Variants in MPP2 observed in about 807,000 individuals in gnomAD.
The protein encoded by MPP2 is MAGUK p55 scaffold protein 2.
Under a neutral mutation model 58.5 loss-of-function variants are expected in MPP2, and 42 were observed. The observed-to-expected ratio is 0.72, with a 90% CI of 0.56 to 0.93. MPP2 has a LOEUF of 0.93. Among genes scored for constraint, MPP2 ranks in the 40% least tolerant of loss-of-function variants. MPP2 has a pLI of 0.00. For synonymous variants in MPP2, 300 were observed against 307.8 expected (o/e 0.97, Z 0.26); for missense variants, 632 against 760.4 (o/e 0.83, Z 1.99).
At chr17:43,898,499 G>GACAACATTCCCCTCCCCA (rs1567900495) in intron 2 of MPP2, 119 bp from the exon 3 acceptor site, 1 of 608,760 alleles carries the variant, frequency 1.6e-6, no homozygotes, top group Non-Finnish European at 3.0e-6. Flanking sequence ...GCCCCTCCCC[G>GACAACATTCCCCTCCCCA]GCAACATTCC....
chr17:43,889,906 G>A lies in MPP2; in HGVS notation c.151-6551C>T, dbSNP rs560864080. Among the ~76,000 whole-genome samples the A allele has an allele frequency of 3.3e-4, 47 of 144,336 alleles. 1 individual carries two copies. In the East Asian group the frequency reaches 3.3e-3, roughly 10 times the overall value. The allele number at this position is 144,336 out of a possible 152,430, so 94.7% of individuals were successfully genotyped here. On this transcript the variant is annotated intron_variant, in intron 3 of 12. Coordinates refer to ENST00000269095, the MANE Select transcript of MPP2 (RefSeq NM_005374.5). ...CGGCTCACTGCAACCTCCGTCTCCC[G>A]GGTTCACACCATTCTCCTGCCTCAG...
At chr17:43,906,959 G>C (rs1346273112) in intron 1 of MPP2, among the ~76,000 whole-genome samples, 1 of 149,708 alleles carries the variant, frequency 6.7e-6, no homozygotes, top group African/African-American at 2.5e-5. Flanking sequence ...CTCCCGACCC[G>C]CCCCGCTACA....
upstream of MPP2, chr17:43,907,841 G>A (rs1345970916): frequency 1.0e-6 from 1 of 985,418 alleles, no homozygotes; most frequent in Non-Finnish European, 1.2e-6. Context: ...TAATGAGACC[G>A]GCTTGATTAC....
At position 43,879,852 on chromosome 17, in the gene MPP2, C is replaced by A; in HGVS notation, c.1283G>T (p.Gly428Val). Residue 428 changes from glycine to valine, a missense_variant, in exon 11 of 13, where the codon GGC (glycine) becomes GTC (valine). Gly to Val is a moderately radical substitution (Grantham distance 109). Coordinates refer to ENST00000269095, the MANE Select transcript of MPP2 (RefSeq NM_005374.5). This position sits in a 1 kb window ranked among gnomAD's most constrained non-coding sequence, Gnocchi z 4.1. ...EHGEYEGNLY[G>V]TRIDSIRGVV... ...GCCCCGGATGGAGTCAATACGTGTG[C>A]CATACAGGTTGCCCTCGTATTCGCC... 1 of 1,614,042 alleles carries A rather than the reference C, an allele frequency of 6.2e-7. No individual in the cohort carries two copies. Among genetic ancestry groups the A allele is most frequent in the Non-Finnish European group, 8.5e-7 (1 of 1,179,988 alleles).
At chr17:43,894,574 G>A (rs768706129) in intron 3 of MPP2, among the ~76,000 whole-genome samples, 17 of 128,120 alleles carry the variant, frequency 1.3e-4, no homozygotes, top group South Asian at 8.4e-4. Context: ...CCGAGATTGC[G>A]CCACTGCACT....
At chr17:43,886,246 C>A (rs1217848987) in intron 3 of MPP2, among the ~76,000 whole-genome samples, 1 of 151,980 alleles carries the variant, frequency 6.6e-6, no homozygotes, top group African/African-American at 2.4e-5. Flanking sequence ...TCATAGAAAT[C>A]ACTCCATGAA....
At chr17:43,902,305 C>T (rs2048125333) in intron 2 of MPP2, among the ~76,000 whole-genome samples, 1 of 152,160 alleles carries the variant, frequency 6.6e-6, no homozygotes, top group Non-Finnish European at 1.5e-5. Flanking sequence ...ACGCCCCCAT[C>T]AAGTGGTCTG....
chr17:43,897,437 C>A (rs970175547), intron 3 of MPP2, among the ~76,000 whole-genome samples: 1 of 152,106 alleles, frequency 6.6e-6, no homozygotes, highest in African/African-American at 2.4e-5. Flanking sequence ...GCCAAGATCA[C>A]GCCATTGCAC....
Position 43,907,527 on chromosome 17 carries a change from A to T in MPP2, c.-87T>A, listed in dbSNP as rs368089891. On this transcript the variant is annotated 5_prime_UTR_variant, in exon 1 of 13. Transcript: ENST00000269095. ...GCGGCTCCAGCGCAGCCGGGCGCTC[A>T]GCGTTTATTGCTTGTCAATCGCTAG... is the stretch of plus-strand genomic sequence containing the variant. 5.1e-6 allele frequency: 5 copies of T among 985,400 alleles called. No homozygotes were observed. The highest frequency in any genetic ancestry group is 2.3e-4 in the East Asian group (2 of 8,830). 61.0% of individuals were successfully genotyped at this position (985,400 alleles called of 1,614,324 possible).
At position 43,883,208 on chromosome 17, in the gene MPP2, A is replaced by C; in HGVS notation, c.298T>G (p.Phe100Val). 1 of 1,604,062 alleles carries C rather than the reference A, an allele frequency of 6.2e-7. No individual in the cohort carries two copies. The highest frequency in any genetic ancestry group is 8.5e-7 in the Non-Finnish European group (1 of 1,174,600). ...CAGCCCTAGCAGCCAGGAACCTGGA[A>C]GTGGGGCTCCTGGAGGATGTGGGCC... ...ELAHILQEPH[F>V]QSLLETHDSV... Residue 100 changes from phenylalanine (F) to valine (V), a missense_variant, in exon 4 of 13, where the codon TTC becomes GTC. Transcript: ENST00000269095.
At chr17:43,885,841 T>C (rs1018863501) in intron 3 of MPP2, among the ~76,000 whole-genome samples, 1 of 152,160 alleles carries the variant, frequency 6.6e-6, no homozygotes, top group Non-Finnish European at 1.5e-5. Context: ...CCAGGCGCAG[T>C]GGCTCATGCC....
chr17:43,877,945 G>A lies in MPP2; in HGVS notation c.1521C>T (p.Arg507=). The stretch of plus-strand genomic sequence containing the variant: ...AGTAGTGCCCGTAGCCCCGCTGGAT[G>A]CGGCTGCTCTCCTCCACTGTCCGTC... ...DLRRTVEESS[R]IQRGYGHYFD... Residue 507 remains arginine, a synonymous_variant, in exon 13 of 13, where the codon CGC becomes CGT. Coordinates refer to ENST00000269095, the MANE Select transcript of MPP2 (RefSeq NM_005374.5). 1 of 1,613,930 alleles carries A rather than the reference G, an allele frequency of 6.2e-7. No homozygotes were observed. Among genetic ancestry groups the A allele is most frequent in the Non-Finnish European group, 8.5e-7 (1 of 1,179,928 alleles).
chr17:43,899,296 C>T (rs1228528134), intron 2 of MPP2, among the ~76,000 whole-genome samples: 1 of 152,142 alleles, frequency 6.6e-6, no homozygotes, highest in Non-Finnish European at 1.5e-5. Context: ...CCTCACTCAA[C>T]CTCTAGATGG....
At chr17:43,904,996 C>T (rs1487592380) in intron 1 of MPP2, among the ~76,000 whole-genome samples, 2 of 151,906 alleles carry the variant, frequency 1.3e-5, no homozygotes, top group East Asian at 1.9e-4. Context: ...GGCAACATGG[C>T]GAGACCCCCA....
chr17:43,888,445 C>T (rs1002641932), intron 3 of MPP2, among the ~76,000 whole-genome samples: 23 of 152,330 alleles, frequency 1.5e-4, no homozygotes, highest in East Asian at 5.8e-4. Context: ...GTGAGGGAGG[C>T]GTCCCAGCTC....
chr17:43,905,500 C>T (rs185991205), intron 1 of MPP2: 1 of 152,534 alleles, frequency 6.6e-6, no homozygotes, highest in East Asian at 1.9e-4. Flanking sequence ...CCAGGGCCTC[C>T]CCAGGCTAGG....
intron 3 of MPP2, among the ~76,000 whole-genome samples, chr17:43,888,592 G>A (rs976201054): frequency 3.3e-5 from 5 of 152,222 alleles, no homozygotes; most frequent in African/African-American, 9.7e-5. Flanking sequence ...GTTAACAGGA[G>A]CCAGCTCTGG....
intron 2 of MPP2, chr17:43,900,615 G>A (rs1297947883): frequency 6.8e-7 from 1 of 1,476,064 alleles, no homozygotes; most frequent in Non-Finnish European, 9.0e-7. Flanking sequence ...CGCCTCCCCA[G>A]CCAAAGCCTG....
chr17:43,895,949 T>C (rs1246760035), intron 3 of MPP2, among the ~76,000 whole-genome samples: 61 of 152,208 alleles, frequency 4.0e-4, no homozygotes, highest in Non-Finnish European at 2.4e-4. Context: ...CATCTTTCGC[T>C]GTTAACAATC....
Sources: gnomAD v4.1 joint callset for allele counts (sites outside exome capture counted in the v4.1 genomes callset) on GRCh38, gnomAD v4.1.1 for gene constraint, Gnocchi (gnomAD v3.1) non-coding constraint, MANE v1.5 for transcripts, NCBI Gene and HGNC (gene_info 2026-07-23, HGNC 2026-07-21) for gene names.